The following ABCC4 variants were observed in gnomAD, a reference collection of about 807,000 sequenced individuals.
The protein encoded by ABCC4 is ATP binding cassette subfamily C member 4 (PEL blood group), also known as ATP-binding cassette sub-family C member 4.
Under a neutral mutation model 168.5 loss-of-function variants are expected in ABCC4, and 102 were observed. The ratio of observed to expected loss-of-function variants is 0.61; its 90% CI spans 0.52 to 0.71. The LOEUF (loss-of-function observed/expected upper bound fraction) is 0.71, where lower values mean the gene tolerates loss of function less well. Ranked by LOEUF, ABCC4 falls within the 30% of genes least tolerant of loss-of-function variation. The pLI is 0.00. For synonymous variants in ABCC4, 617 were observed against 590.7 expected (o/e 1.04, Z -0.65); for missense variants, 1,402 against 1,605.8 (o/e 0.87, Z 2.17).
At chr13:95,105,543 A>G (rs2034973796) in intron 20 of ABCC4, among the ~76,000 whole-genome samples, 1 of 152,224 alleles carries the variant, frequency 6.6e-6, no homozygotes, top group Non-Finnish European at 1.5e-5. Context: ...TCAAATGTGC[A>G]TAAAGCTCCA....
intron 30 of ABCC4, among the ~76,000 whole-genome samples, chr13:95,027,790 A>C (rs1463686406): frequency 6.6e-6 from 1 of 152,182 alleles, no homozygotes; most frequent in African/African-American, 2.4e-5. Context: ...GGTAAAAAGG[A>C]ATACTAAAAA....
At chr13:95,296,264 G>A (rs1214024253) in intron 1 of ABCC4, among the ~76,000 whole-genome samples, 1 of 151,864 alleles carries the variant, frequency 6.6e-6, no homozygotes, top group African/African-American at 2.4e-5. Context: ...CAGGAGGACT[G>A]CTTGAGCCCA....
At chr13:95,192,390 C>A (rs1030604159) in intron 9 of ABCC4, among the ~76,000 whole-genome samples, 1 of 152,130 alleles carries the variant, frequency 6.6e-6, no homozygotes, top group African/African-American at 2.4e-5. Context: ...CAAGACAAGG[C>A]CAGAAAACAG....
At chr13:95,030,176 A>G (rs187672585) in intron 30 of ABCC4, among the ~76,000 whole-genome samples, 25 of 152,270 alleles carry the variant, frequency 1.6e-4, no homozygotes, top group African/African-American at 5.8e-4. Flanking sequence ...ATGCGCCACC[A>G]TGCCTGGCTA....
chr13:95,096,064 C>A, intron 20 of ABCC4: 1 of 437,312 alleles, frequency 2.3e-6, no homozygotes, highest in South Asian at 6.1e-5. Context: ...AACATTTAGC[C>A]AGGTACAGTG....
At chr13:95,106,343 A>G (rs887777565) in intron 20 of ABCC4, among the ~76,000 whole-genome samples, 4 of 149,722 alleles carry the variant, frequency 2.7e-5, no homozygotes, top group Non-Finnish European at 4.4e-5. Flanking sequence ...GTGTGTGCGT[A>G]TATATGTGCG....
chr13:95,204,930 A>G (rs2139670153), intron 8 of ABCC4, among the ~76,000 whole-genome samples: 1 of 152,320 alleles, frequency 6.6e-6, no homozygotes, highest in East Asian at 1.9e-4. Flanking sequence ...AGGGGCAGCA[A>G]CAGCAGTCAG....
intron 4 of ABCC4, among the ~76,000 whole-genome samples, chr13:95,225,151 TCTCACACA>T (rs1203264213): frequency 3.3e-4 from 10 of 30,592 alleles, no homozygotes; most frequent in Non-Finnish European, 6.6e-4. Flanking sequence ...TCTCTCTCTC[TCTCACACA>T]CACACACACA....
chr13:95,278,939 G>T (rs571069327), intron 1 of ABCC4, among the ~76,000 whole-genome samples: 1 of 150,842 alleles, frequency 6.6e-6, no homozygotes, highest in African/African-American at 2.4e-5. Flanking sequence ...AGACCGGAGT[G>T]GGAGAGAAAC....
At chr13:95,095,146 A>G (rs534339273) in intron 20 of ABCC4, among the ~76,000 whole-genome samples, 2 of 152,242 alleles carry the variant, frequency 1.3e-5, no homozygotes, top group Non-Finnish European at 2.9e-5. Context: ...ACTACTGGCT[A>G]TCTACCCAGA....
intron 1 of ABCC4, among the ~76,000 whole-genome samples, chr13:95,257,142 AAC>A (rs1468726783): frequency 1.4e-4 from 22 of 152,250 alleles, no homozygotes; most frequent in African/African-American, 5.1e-4. Context: ...AAAGTTGATG[AAC>A]ACATATTTTG....
intron 13 of ABCC4, among the ~76,000 whole-genome samples, chr13:95,171,637 T>A (rs918933778): frequency 6.6e-6 from 1 of 151,926 alleles, no homozygotes; most frequent in Non-Finnish European, 1.5e-5. Context: ...ACATAACTCA[T>A]GCTCAATAAG....
intron 3 of ABCC4, among the ~76,000 whole-genome samples, chr13:95,240,188 T>C (rs2039894057): frequency 6.6e-6 from 1 of 152,228 alleles, no homozygotes; most frequent in South Asian, 2.1e-4. Flanking sequence ...GGATATGCAA[T>C]GAGCCCAATC....
chr13:95,217,784 C>G (rs1034624618), intron 4 of ABCC4, among the ~76,000 whole-genome samples: 1 of 152,108 alleles, frequency 6.6e-6, no homozygotes, highest in Non-Finnish European at 1.5e-5. Context: ...TCATCACCTT[C>G]ACGATGCAAA....
At chr13:95,030,240 C>T (rs925986375) in intron 30 of ABCC4, among the ~76,000 whole-genome samples, 4 of 151,994 alleles carry the variant, frequency 2.6e-5, no homozygotes, top group East Asian at 1.9e-4. Flanking sequence ...AGGCTGGTCT[C>T]GAACTCCTGA....
intron 13 of ABCC4, among the ~76,000 whole-genome samples, chr13:95,176,667 C>A (rs2037714744): frequency 6.6e-6 from 1 of 152,160 alleles, no homozygotes. Flanking sequence ...GGGTGCTTAT[C>A]TTCTCTGTGG....
At chr13:95,285,755 T>C (rs372836147) in intron 1 of ABCC4, among the ~76,000 whole-genome samples, 3 of 151,908 alleles carry the variant, frequency 2.0e-5, no homozygotes, top group African/African-American at 7.3e-5. Flanking sequence ...CCAGGAACAA[T>C]GGATATCTGA....
Position 95,247,651 on chromosome 13 carries a change from C to T in ABCC4, c.177G>A (p.Glu59=), listed in dbSNP as rs750090012. Residue 59 remains glutamate (E), a synonymous_variant, in exon 2 of 31, where the codon GAG becomes GAA. Transcript: ENST00000645237. Reference sequence around the variant, plus strand: ...TACTGCCTCCGACTTACCCTTGCAACTCCTCTCCAAGGTGCTGTGAGCGGT... The same window carrying T: ...TACTGCCTCCGACTTACCCTTGCAATTCCTCTCCAAGGTGCTGTGAGCGGT... The part of the protein sequence containing the change: ...PEDRSQHLGE[E]LQGFWDKEVL... 6.2e-7 allele frequency: 1 copy of T among 1,613,362 alleles called. No individual in the cohort carries two copies. The highest frequency in any genetic ancestry group is 1.7e-5 in the Admixed American group (1 of 59,992).
intron 4 of ABCC4, among the ~76,000 whole-genome samples, chr13:95,217,835 C>T (rs967093679): frequency 4.6e-5 from 7 of 152,250 alleles, no homozygotes; most frequent in Admixed American, 2.0e-4. Flanking sequence ...GTCAATGACC[C>T]GGGGTGGACA....
Sources: allele counts gnomAD v4.1 joint callset (sites outside exome capture counted in the v4.1 genomes callset), GRCh38; gene constraint gnomAD v4.1.1; transcripts MANE v1.5; gene names NCBI Gene and HGNC (gene_info 2026-07-23, HGNC 2026-07-21).